Variants in WBP4 observed in about 807,000 individuals in gnomAD.
WBP4 encodes the protein WW domain-binding protein 4.
Under a neutral mutation model 55.4 loss-of-function variants are expected in WBP4, and 37 were observed. The ratio of observed to expected loss-of-function variants is 0.67; its 90% CI spans 0.51 to 0.88. The LOEUF (loss-of-function observed/expected upper bound fraction) is 0.88. Ranked by LOEUF, WBP4 falls within the 40% of genes least tolerant of loss-of-function variation. WBP4 has a pLI of 0.00. For synonymous variants in WBP4, 142 were observed against 140.2 expected (o/e 1.01, Z -0.09); for missense variants, 398 against 420.8 (o/e 0.95, Z 0.47).
chr13:41,081,478 A>T (rs1878773710), intron 9 of WBP4, among the ~76,000 whole-genome samples: 1 of 148,626 alleles, frequency 6.7e-6, no homozygotes, highest in African/African-American at 2.5e-5. Flanking sequence ...AGCCTGGGCA[A>T]CAGAGTAGGA....
chr13:41,065,291 A>T lies in WBP4; in HGVS notation c.262+4A>T. The stretch of plus-strand genomic sequence containing the variant: ...AAAAGACTTGGCTTAGAGTCAGGTA[A>T]AAAAAAAAAAAAAAAAAAAGCAGCC... On this transcript the variant is annotated splice_donor_region_variant and intron_variant, in intron 4 of 9. Coordinates refer to ENST00000379487, the MANE Select transcript of WBP4 (RefSeq NM_007187.5). 1 of 273,816 alleles carries T rather than the reference A, an allele frequency of 3.7e-6. No homozygotes were observed. The highest frequency in any genetic ancestry group is 6.3e-6 in the Non-Finnish European group (1 of 159,050). The allele number at this position is 273,816 out of a possible 1,614,324, so 17.0% of individuals were successfully genotyped here. A position where few individuals can be genotyped will look rare whatever the true frequency, so the allele number is the denominator to read the frequency against.
chr13:41,069,878 CA>C (rs1178697602), intron 5 of WBP4, among the ~76,000 whole-genome samples: 1,742 of 75,560 alleles, frequency 0.023, 31 homozygotes, highest in African/African-American at 0.07. Flanking sequence ...AAGTCCATCT[CA>C]AAAAAAAAAA....
chr13:41,061,912 C>T (rs865827603), intron 1 of WBP4, among the ~76,000 whole-genome samples: 1 of 151,852 alleles, frequency 6.6e-6, no homozygotes, highest in Non-Finnish European at 1.5e-5. Context: ...GGCCGGCGGC[C>T]GGTTCAGGGG....
Position 41,083,663 on chromosome 13 carries a change from T to C in WBP4, c.*749T>C, listed in dbSNP as rs1236542336. 1 of 152,272 alleles carries C rather than the reference T, an allele frequency of 6.6e-6. No homozygotes were observed. Among genetic ancestry groups the C allele is most frequent in the Non-Finnish European group, 1.5e-5 (1 of 68,060 alleles). 9.4% of individuals were successfully genotyped at this position (152,272 alleles called of 1,614,324 possible). On this transcript the variant is annotated 3_prime_UTR_variant, in exon 10 of 10. Coordinates refer to ENST00000379487, the MANE Select transcript of WBP4 (RefSeq NM_007187.5). ...CTTTTTTCCCCCAGTCATGCACTCT[T>C]TTTAGCAGTCTTATATGTACTAGAA...
At chr13:41,079,546 A>G (rs960626239) in intron 8 of WBP4, among the ~76,000 whole-genome samples, 12 of 150,350 alleles carry the variant, frequency 8.0e-5, no homozygotes, top group African/African-American at 3.0e-4. Context: ...CGTCTCAAAA[A>G]AAAAAAAAAA....
intron 4 of WBP4, among the ~76,000 whole-genome samples, chr13:41,067,960 A>G (rs1878048367): frequency 6.6e-6 from 1 of 152,142 alleles, no homozygotes; most frequent in Admixed American, 6.5e-5. Context: ...GGGAGCAGGT[A>G]GTGGGGAACA....
intron 4 of WBP4, 101 bp downstream of exon 4, chr13:41,065,388 C>T (rs2138461553): frequency 5.7e-6 from 8 of 1,409,496 alleles, no homozygotes; most frequent in Middle Eastern, 2.5e-4. Flanking sequence ...AGGTTATAAA[C>T]TCAGTGTACT....
chr13:41,070,111 A>G (rs908052957), intron 5 of WBP4, among the ~76,000 whole-genome samples: 2 of 152,230 alleles, frequency 1.3e-5, no homozygotes, highest in African/African-American at 4.8e-5. Context: ...TTAAAGTGCT[A>G]TAATAGAAGT....
At chr13:41,071,615 C>A in intron 6 of WBP4, 42 bp downstream of exon 6, 1 of 1,539,922 alleles carries the variant, frequency 6.5e-7, no homozygotes, top group Non-Finnish European at 8.8e-7. Flanking sequence ...TTATTCTTTA[C>A]AGTGATTCGT....
Position 41,076,122 on chromosome 13 carries a change from T to G in WBP4, c.641T>G (p.Leu214Arg), listed in dbSNP as rs148021749. 35 of 1,613,646 alleles carry G rather than the reference T, an allele frequency of 2.2e-5. No homozygotes were observed. The African/African-American group carries it at 4.5e-4, about 21-fold the overall frequency. ...TCTAGTAAGGTCAATGAAAATTCAC[T>G]TGGCACCCTAGATGAATCCAAATCA... ...LPSSKVNENS[L>R]GTLDESKSSD... is the part of the protein sequence containing the mutation. The change falls in exon 8 of 10, where the codon CTT becomes CGT. Residue 214 changes from leucine (L) to arginine (R), a missense_variant. Coordinates refer to ENST00000379487, the MANE Select transcript of WBP4 (RefSeq NM_007187.5).
chr13:41,061,554 G>T lies in WBP4; in HGVS notation c.-120G>T. 6.7e-7 allele frequency: 1 copy of T among 1,495,934 alleles called. No individual in the cohort carries two copies. The allele number at this position is 1,495,934 out of a possible 1,614,324, so 92.7% of individuals were successfully genotyped here. On this transcript the variant is annotated 5_prime_UTR_variant, in exon 1 of 10. Coordinates refer to ENST00000379487, the MANE Select transcript of WBP4 (RefSeq NM_007187.5). ...GCTGGTCCCGGGGACTGAGTAAGGTGTCTGGATCGGAGGGAGGTTCGGGTG... is the reference window on the plus strand; with the variant it reads ...GCTGGTCCCGGGGACTGAGTAAGGTTTCTGGATCGGAGGGAGGTTCGGGTG...
At chr13:41,064,607 C>T (rs1190560395) in intron 2 of WBP4, among the ~76,000 whole-genome samples, 1 of 152,118 alleles carries the variant, frequency 6.6e-6, no homozygotes, top group Non-Finnish European at 1.5e-5. Flanking sequence ...TTCTCTATGT[C>T]CCTCCTTGTG....
At chr13:41,075,767 T>C (rs753756696) in intron 7 of WBP4, among the ~76,000 whole-genome samples, 2 of 152,214 alleles carry the variant, frequency 1.3e-5, no homozygotes, top group South Asian at 4.1e-4. Context: ...TGGTGTCAGA[T>C]AAATTGTGAA....
At position 41,076,052 on chromosome 13, in the gene WBP4, T is replaced by C. The variant is rs1178399314; in HGVS notation, c.571T>C (p.Trp191Arg). Residue 191 changes from tryptophan to arginine, a missense_variant, in exon 8 of 10, where the codon TGG (tryptophan) becomes CGG (arginine). Physicochemically the swap from Trp to Arg is moderately radical, Grantham distance 101. Transcript: ENST00000379487. ...YYNTETGESR[W>R]EKPDDFIPHT... ...TAAAATGTGTTGAGCAGAATCCAGA[T>C]GGGAGAAACCTGATGATTTCATTCC... 1 of 1,611,840 alleles carries C rather than the reference T, an allele frequency of 6.2e-7. No individual in the cohort carries two copies. Among genetic ancestry groups the C allele is most frequent in the Non-Finnish European group, 8.5e-7 (1 of 1,179,568 alleles).
In WBP4 at chr13:41,080,655, A is replaced by C. The variant is rs763576665; in HGVS notation, c.766A>C (p.Lys256Gln). 6.3e-7 allele frequency: 1 copy of C among 1,577,486 alleles called. No individual in the cohort carries two copies. Among genetic ancestry groups the C allele is most frequent in the Non-Finnish European group, 8.5e-7 (1 of 1,171,052 alleles). ...KPKIKFKEKN[K>Q]NSDGGSDPET... ...GGCTTTTACATTTCAGGAAAAAAAT[A>C]AAAATAGTGATGGAGGAAGTGACCC... is the stretch of plus-strand genomic sequence containing the variant. Residue 256 changes from lysine to glutamine, a missense_variant, in exon 9 of 10, where the codon AAA becomes CAA. Coordinates refer to ENST00000379487, the MANE Select transcript of WBP4 (RefSeq NM_007187.5).
At chr13:41,072,638 C>G in intron 6 of WBP4, 144 bp from the exon 7 acceptor site, 1 of 657,186 alleles carries the variant, frequency 1.5e-6, no homozygotes, top group Non-Finnish European at 2.6e-6. Context: ...GATTACAAGT[C>G]TACATGAGAT....
chr13:41,067,388 A>G (rs1878021351), intron 4 of WBP4, among the ~76,000 whole-genome samples: 1 of 152,234 alleles, frequency 6.6e-6, no homozygotes, highest in Non-Finnish European at 1.5e-5. Context: ...TAGCAAAAGT[A>G]AATGTTAATT....
At chr13:41,062,586 A>G (rs1566207037) in intron 1 of WBP4, 58 bp from the exon 2 acceptor site, 10 of 1,509,548 alleles carry the variant, frequency 6.6e-6, no homozygotes, top group Non-Finnish European at 8.2e-6. Flanking sequence ...TAAAGCATGC[A>G]GAATTTAACC....
chr13:41,062,059 C>A, intron 1 of WBP4: 1 of 983,102 alleles, frequency 1.0e-6, no homozygotes, highest in Middle Eastern at 5.3e-4. Flanking sequence ...CGGCCTCCCC[C>A]GCCCACTGGA....
Sources: gnomAD v4.1 joint callset for allele counts (sites outside exome capture counted in the v4.1 genomes callset) on GRCh38, gnomAD v4.1.1 for gene constraint, MANE v1.5 for transcripts, NCBI Gene and HGNC (gene_info 2026-07-23, HGNC 2026-07-21) for gene names.